The following SVIL variants were observed in gnomAD, a reference collection of about 807,000 sequenced individuals.
SVIL encodes the protein archvillin.
Under a neutral mutation model 240.4 loss-of-function variants are expected in SVIL, and 101 were observed. The observed-to-expected ratio is 0.42, with a 90% CI of 0.36 to 0.50. The LOEUF (loss-of-function observed/expected upper bound fraction) is 0.50, where lower values mean the gene tolerates loss of function less well. Among genes scored for constraint, SVIL ranks in the 20% least tolerant of loss-of-function variants. The pLI is 0.01. For missense variants in SVIL, 2,512 were observed against 2,818.7 expected (o/e 0.89, Z 2.46); for synonymous variants, 999 against 1,100.0 (o/e 0.91, Z 1.82).
intron 1 of SVIL, among the ~76,000 whole-genome samples, chr10:29,631,150 A>G (rs1371285702): frequency 1.3e-5 from 2 of 152,240 alleles, no homozygotes; most frequent in African/African-American, 4.8e-5. Flanking sequence ...ACAGAACTCC[A>G]GGGGCATGAA....
intron 1 of SVIL, among the ~76,000 whole-genome samples, chr10:29,722,764 A>G (rs1964065591): frequency 6.6e-6 from 1 of 152,196 alleles, no homozygotes; most frequent in Non-Finnish European, 1.5e-5. Flanking sequence ...TTAAAATTCT[A>G]CTGCATGAGC....
At chr10:29,531,177 A>G in intron 10 of SVIL, 77 bp downstream of exon 10, 6 of 1,488,130 alleles carry the variant, frequency 4.0e-6, no homozygotes, top group Non-Finnish European at 4.6e-6. Context: ...TACTCTCTCA[A>G]AAAGCCAAAA....
intron 1 of SVIL, among the ~76,000 whole-genome samples, chr10:29,599,869 C>T (rs991661262): frequency 2.0e-5 from 3 of 151,850 alleles, no homozygotes; most frequent in East Asian, 1.9e-4. Flanking sequence ...TTAAGTAGAA[C>T]GTTATTAATG....
At chr10:29,515,038 C>T (rs982004136) in intron 16 of SVIL, among the ~76,000 whole-genome samples, 1 of 152,168 alleles carries the variant, frequency 6.6e-6, no homozygotes, top group African/African-American at 2.4e-5. Context: ...GCAGGAGCTT[C>T]GAACTCTGGA....
In SVIL at chr10:29,711,182, CT is replaced by C. The variant is rs1430974221; in HGVS notation, c.-399-24532del. Among the ~76,000 whole-genome samples the C allele has an allele frequency of 2.6e-5, 4 of 152,128 alleles. No individual in the cohort carries two copies. In the East Asian group the frequency reaches 7.7e-4, roughly 29 times the overall value. On this transcript the variant is annotated intron_variant, in intron 1 of 35. Coordinates refer to the SVIL transcript ENST00000375400. Reference sequence around the variant, plus strand: ...TGGGAGGCTGAGGAGGGCAGATCACCTGAAGTCAGGAGTTCGAGACAAGCCT... The same window carrying C: ...TGGGAGGCTGAGGAGGGCAGATCACCGAAGTCAGGAGTTCGAGACAAGCCT...
intron 2 of SVIL, among the ~76,000 whole-genome samples, 161 bp downstream of exon 2, chr10:29,569,094 T>C (rs1955245225): frequency 6.6e-6 from 1 of 152,204 alleles, no homozygotes; most frequent in African/African-American, 2.4e-5. Context: ...CAGAATTAAA[T>C]ACAAAGATTC....
At chr10:29,603,651 T>A (rs1378298771) in intron 1 of SVIL, among the ~76,000 whole-genome samples, 1 of 152,076 alleles carries the variant, frequency 6.6e-6, no homozygotes, top group African/African-American at 2.4e-5. Flanking sequence ...GATATAGGAA[T>A]GAGCAAAGGG....
At position 29,532,853 on chromosome 10, in the gene SVIL, T is replaced by C. The variant is rs1564590302; in HGVS notation, c.1514A>G (p.Gln505Arg). 1.4e-5 allele frequency: 23 copies of C among 1,614,188 alleles called. No homozygotes were observed. The highest frequency in any genetic ancestry group is 1.9e-5 in the Non-Finnish European group (23 of 1,180,030). The change falls in exon 8 of 38, where the codon CAG becomes CGG. Residue 505 changes from glutamine to arginine, a missense_variant. By Grantham distance (43) the Gln-to-Arg change is conservative (BLOSUM62 1). Coordinates refer to ENST00000355867, the MANE Select transcript of SVIL (RefSeq NM_021738.3). ...NVAQPPQAPH[Q>R]PTERTGRSEM... Reference sequence around the variant, plus strand: ...GCTCCTGCCTGTCCTCTCAGTGGGCTGGTGCGGAGCTTGAGGGGGTTGTGC... The same window carrying C: ...GCTCCTGCCTGTCCTCTCAGTGGGCCGGTGCGGAGCTTGAGGGGGTTGTGC...
chr10:29,604,094 A>G (rs974001992), intron 1 of SVIL, among the ~76,000 whole-genome samples: 3 of 152,134 alleles, frequency 2.0e-5, no homozygotes, highest in Non-Finnish European at 2.9e-5. Flanking sequence ...GCAGTTATCC[A>G]TGGTGCAGTA....
At position 29,602,360 on chromosome 10, in the gene SVIL, C is replaced by T. The variant is rs1390940342; in HGVS notation, c.-201+32060G>A. The stretch of plus-strand genomic sequence containing the variant: ...TGGTACACCTTCCAACATGCCGTAC[C>T]TGCTTAACCTGCCTTGTCTCACCCT... On this transcript the variant is annotated intron_variant, in intron 1 of 37. Coordinates refer to ENST00000355867, the MANE Select transcript of SVIL (RefSeq NM_021738.3). 3 of 508,222 alleles carry T rather than the reference C, an allele frequency of 5.9e-6. No individual in the cohort carries two copies. In the Admixed American group the frequency reaches 6.3e-5, roughly 11 times the overall value. The allele number at this position is 508,222 out of a possible 1,614,324, so 31.5% of individuals were successfully genotyped here. A position where few individuals can be genotyped will look rare whatever the true frequency, so the allele number is the denominator to read the frequency against.
chr10:29,559,568 G>A (rs1261097441), intron 3 of SVIL, among the ~76,000 whole-genome samples: 1 of 152,138 alleles, frequency 6.6e-6, no homozygotes, highest in African/African-American at 2.4e-5. Context: ...TAGTTATTAT[G>A]TAATCCAGAT....
chr10:29,643,893 A>G (rs1958571114), intron 3 of SVIL: 7 of 469,024 alleles, frequency 1.5e-5, no homozygotes, highest in Middle Eastern at 5.1e-4. Flanking sequence ...CTCGTGGTCA[A>G]AATGAGATGT....
chr10:29,529,386 G>A (rs867496756), intron 12 of SVIL, among the ~76,000 whole-genome samples: 5 of 131,500 alleles, frequency 3.8e-5, no homozygotes, highest in African/African-American at 1.4e-4. Context: ...GCGGGTGACC[G>A]TGGAAGCTGG....
At chr10:29,652,062 C>T (rs993027761) in intron 3 of SVIL, among the ~76,000 whole-genome samples, 1 of 152,056 alleles carries the variant, frequency 6.6e-6, no homozygotes, top group Non-Finnish European at 1.5e-5. Flanking sequence ...ATAAAATTCA[C>T]ATACCATACA....
In SVIL at chr10:29,473,909, G is replaced by A. The variant is rs552178986; in HGVS notation, c.5458C>T (p.His1820Tyr). The change falls in exon 30 of 38, where the codon CAC becomes TAC. Residue 1820 changes from histidine to tyrosine, a missense_variant. His to Tyr is a moderately conservative substitution (Grantham distance 83, BLOSUM62 2). Coordinates refer to ENST00000355867, the MANE Select transcript of SVIL (RefSeq NM_021738.3). ...KCVYFFWQGRHSTVSEKGTSA... is the reference protein window; with the variant it reads ...KCVYFFWQGRYSTVSEKGTSA... ...GTGCCCTTCTCACTCACGGTGGAGT[G>A]CCGGCCTTGCCAGAAGAAGTAGACG... 1 of 1,613,922 alleles carries A rather than the reference G, an allele frequency of 6.2e-7. No individual in the cohort carries two copies. Among genetic ancestry groups the A allele is most frequent in the Admixed American group, 1.7e-5 (1 of 60,010 alleles).
rs189583280 is a variant in SVIL at position 29,574,748 on chromosome 10, T to A, written c.-200-5436A>T. ...GTTGTAAACTTGTCCTGGATTGAGG[T>A]CATAGGGCCTCCCAGCCCTGGCCCA... is the stretch of plus-strand genomic sequence containing the variant. On this transcript the variant is annotated intron_variant, in intron 1 of 37. Coordinates refer to ENST00000355867, the MANE Select transcript of SVIL (RefSeq NM_021738.3). Among the ~76,000 whole-genome samples, 11 of 152,248 alleles carry A rather than the reference T, an allele frequency of 7.2e-5. No individual in the cohort carries two copies. In the East Asian group the frequency reaches 2.1e-3, roughly 29 times the overall value.
At chr10:29,531,576 T>A (rs1278807197) in intron 9 of SVIL, among the ~76,000 whole-genome samples, 1 of 152,210 alleles carries the variant, frequency 6.6e-6, no homozygotes, top group Non-Finnish European at 1.5e-5. Flanking sequence ...ATCTTACCAT[T>A]TCTATGCAAT....
At chr10:29,657,076 A>G (rs1219251350) in intron 3 of SVIL, among the ~76,000 whole-genome samples, 3 of 152,204 alleles carry the variant, frequency 2.0e-5, no homozygotes, top group Non-Finnish European at 2.9e-5. Context: ...CAGTTTATTA[A>G]GTGTCAAACC....
chr10:29,637,375 T>C, upstream of SVIL, among the ~76,000 whole-genome samples: 1 of 152,074 alleles, frequency 6.6e-6, no homozygotes, highest in Middle Eastern at 3.4e-3. Context: ...TAATCCCAGT[T>C]ACTAGGGAGG....
Sources: allele counts gnomAD v4.1 joint callset (sites outside exome capture counted in the v4.1 genomes callset), GRCh38; gene constraint gnomAD v4.1.1; transcripts MANE v1.5; gene names NCBI Gene and HGNC (gene_info 2026-07-23, HGNC 2026-07-21).